The following CMC2 variants were observed in gnomAD, a reference collection of about 807,000 sequenced individuals.
The protein encoded by CMC2 is C-X9-C motif containing 2.
A neutral mutation model predicts 7.5 loss-of-function variants in CMC2; 5 were observed. The ratio of observed to expected loss-of-function variants is 0.66; its 90% confidence interval spans 0.35 to 1.40. The LOEUF (loss-of-function observed/expected upper bound fraction) is 1.40. Among genes scored for constraint, CMC2 ranks in the 40% most tolerant of loss-of-function variants. The pLI is 0.04. For missense variants in CMC2, 115 were observed against 92.3 expected, an observed-to-expected ratio of 1.25 and a Z score of -1.01; for synonymous variants, 37 against 31.4, an observed-to-expected ratio of 1.18 and a Z score of -0.60.
At chr16:80,980,771 T>A (rs1355250024) in intron 3 of CMC2, 1 of 692,632 alleles carries the variant, frequency 1.4e-6, no homozygotes, top group African/African-American at 1.8e-5. Context: ...GGTACGCACC[T>A]GTCGTCCTAG....
chr16:80,973,475 A>C lies in CMC2; in HGVS notation c.*2618T>G, dbSNP rs1912073103. ...CCAATCCTCACAATAACTCTATGTG[A>C]CAGGTACTGTCACTGGGTTGAACTG... On this transcript the variant is annotated 3_prime_UTR_variant, in exon 4 of 4. Transcript: ENST00000219400. 6.6e-6 allele frequency: 1 copy of C among 152,210 alleles called. No homozygotes were observed. Among genetic ancestry groups the C allele is most frequent in the African/African-American group, 2.4e-5 (1 of 41,458 alleles). 9.4% of individuals were successfully genotyped at this position (152,210 alleles called of 1,614,324 possible). A position where few individuals can be genotyped will look rare whatever the true frequency, so the allele number is the denominator to read the frequency against.
intron 1 of CMC2, chr16:81,001,357 A>G (rs532249767): frequency 1.2e-4 from 18 of 152,370 alleles, no homozygotes; most frequent in African/African-American, 4.1e-4. Flanking sequence ...TTGAAATTAT[A>G]TATTTTTTAA....
chr16:80,990,261 C>G (rs1194756335), intron 2 of CMC2, among the ~76,000 whole-genome samples: 1 of 152,152 alleles, frequency 6.6e-6, no homozygotes, highest in East Asian at 1.9e-4. Context: ...ACCTCTGTCT[C>G]CCAGGTTCAA....
chr16:80,995,238 G>C (rs770504166), intron 2 of CMC2, among the ~76,000 whole-genome samples: 1 of 147,824 alleles, frequency 6.8e-6, no homozygotes, highest in Non-Finnish European at 1.5e-5. Context: ...TCCATTAATA[G>C]GTAAATAAAC....
At chr16:80,997,450 T>G in intron 1 of CMC2, 21 bp from the exon 2 acceptor site, 2 of 1,227,862 alleles carry the variant, frequency 1.6e-6, no homozygotes, top group South Asian at 2.4e-5. Flanking sequence ...AAGAGTGTCT[T>G]GAATATGCAT....
chr16:80,974,421 A>T lies in CMC2; in HGVS notation c.*1672T>A, dbSNP rs942676737. The T allele has an allele frequency of 3.9e-5, 6 of 152,218 alleles. No individual in the cohort carries two copies. Among genetic ancestry groups the T allele is most frequent in the African/African-American group, 1.4e-4 (6 of 41,458 alleles). The allele number at this position is 152,218 out of a possible 1,614,324, so 9.4% of individuals were successfully genotyped here. On this transcript the variant is annotated 3_prime_UTR_variant, in exon 4 of 4. Transcript: ENST00000219400. ...TCCTCTACCCAAATCCCTAATCACCATATTAAAACCTGCAACTGGTCATCA... is the reference window on the plus strand; with the variant it reads ...TCCTCTACCCAAATCCCTAATCACCTTATTAAAACCTGCAACTGGTCATCA...
intron 1 of CMC2, chr16:81,001,143 C>G (rs1968832900): frequency 6.6e-6 from 1 of 152,154 alleles, no homozygotes; most frequent in African/African-American, 2.4e-5. Context: ...GAGCTAAACA[C>G]TGGATACTCA....
chr16:80,998,395 T>G (rs903273506), intron 1 of CMC2: 1 of 152,002 alleles, frequency 6.6e-6, no homozygotes. Flanking sequence ...AAAGAGGATG[T>G]GGAGAAACTG....
intron 1 of CMC2, chr16:81,001,192 T>C (rs986691631): frequency 6.6e-6 from 1 of 152,288 alleles, no homozygotes; most frequent in African/African-American, 2.4e-5. Flanking sequence ...TGGGGACTAA[T>C]AGACGGTAGA....
rs12149082 is a variant in CMC2 at position 80,968,361 on chromosome 16, C to A, written c.*7732G>T. On this transcript the variant is annotated 3_prime_UTR_variant, in exon 4 of 4. Coordinates refer to ENST00000219400, the MANE Select transcript of CMC2 (RefSeq NM_020188.5). ...ACTGGGATTACAGGCGCAAGCCACC[C>A]CACACGGCTGAGATTCTGCGTTGCT... The A allele has an allele frequency of 0.16, 24,337 of 152,204 alleles. 2,473 individuals carry two copies. The highest frequency in any genetic ancestry group is 0.3 in the African/African-American group (12,338 of 41,480). 9.4% of individuals were successfully genotyped at this position (152,204 alleles called of 1,614,324 possible).
intron 3 of CMC2, among the ~76,000 whole-genome samples, chr16:80,981,036 T>C (rs1378678007): frequency 6.6e-6 from 1 of 151,746 alleles, no homozygotes; most frequent in Non-Finnish European, 1.5e-5. Context: ...AAGAAAGATG[T>C]TGGACAACTT....
At chr16:80,990,854 A>G (rs1967938192) in intron 2 of CMC2, among the ~76,000 whole-genome samples, 1 of 151,840 alleles carries the variant, frequency 6.6e-6, no homozygotes, top group Non-Finnish European at 1.5e-5. Flanking sequence ...CCTCCTGAGG[A>G]GCTGGGACTA....
chr16:80,989,396 AT>A (rs1489655432), intron 2 of CMC2, among the ~76,000 whole-genome samples: 1 of 152,164 alleles, frequency 6.6e-6, no homozygotes, highest in African/African-American at 2.4e-5. Flanking sequence ...AATTGATTAT[AT>A]TATTTTCATT....
At position 80,970,840 on chromosome 16, in the gene CMC2, T is replaced by A. The variant is rs1423863016; in HGVS notation, c.*5253A>T. ...CTATAATCCCTGCTTTATAAAAAAA[T>A]TTTAAGAGATATTAGAATAAGTAAT... On this transcript the variant is annotated 3_prime_UTR_variant, in exon 4 of 4. Coordinates refer to ENST00000219400, the MANE Select transcript of CMC2 (RefSeq NM_020188.5). 1.3e-5 allele frequency: 2 copies of A among 152,110 alleles called. No homozygotes were observed. The highest frequency in any genetic ancestry group is 1.5e-5 in the Non-Finnish European group (1 of 68,016). 9.4% of individuals were successfully genotyped at this position (152,110 alleles called of 1,614,324 possible).
At chr16:80,980,843 C>A in intron 3 of CMC2, 1 of 700,182 alleles carries the variant, frequency 1.4e-6, no homozygotes, top group South Asian at 1.5e-5. Flanking sequence ...GTTACGATCA[C>A]CCTACTGCAC....
At chr16:81,006,662 G>C (rs1969376496) in intron 1 of CMC2, 72 bp downstream of exon 1, 2 of 970,506 alleles carry the variant, frequency 2.1e-6, no homozygotes, top group Non-Finnish European at 1.2e-6. Context: ...GGGGCTCGGC[G>C]GGACGCGCCA....
rs1181004897 is a variant in CMC2 at position 80,974,842 on chromosome 16, C to A, written c.*1251G>T. ...AGGTACTTCAGAATTAATTCTGGTT[C>A]TTTCCCCATCCTTTCACTGAATGTC... On this transcript the variant is annotated 3_prime_UTR_variant, in exon 4 of 4. Coordinates refer to ENST00000219400, the MANE Select transcript of CMC2 (RefSeq NM_020188.5). 2 of 152,218 alleles carry A rather than the reference C, an allele frequency of 1.3e-5. No individual in the cohort carries two copies. Among genetic ancestry groups the A allele is most frequent in the Non-Finnish European group, 2.9e-5 (2 of 68,028 alleles). The allele number at this position is 152,218 out of a possible 1,614,324, so 9.4% of individuals were successfully genotyped here.
intron 1 of CMC2, 61 bp from the exon 2 acceptor site, chr16:80,997,490 T>C (rs1968522341): frequency 1.1e-6 from 1 of 869,620 alleles, no homozygotes; most frequent in African/African-American, 1.7e-5. Context: ...CCTAAAAGTA[T>C]CTTCATAAGA....
intron 1 of CMC2, among the ~76,000 whole-genome samples, chr16:80,999,445 C>T (rs1043738202): frequency 2.0e-5 from 3 of 152,162 alleles, no homozygotes; most frequent in Non-Finnish European, 1.5e-5. Flanking sequence ...ACATTCCGTG[C>T]TCATGGATTG....
Sources: allele counts gnomAD v4.1 joint callset (sites outside exome capture counted in the v4.1 genomes callset), GRCh38; gene constraint gnomAD v4.1.1; transcripts MANE v1.5; gene names NCBI Gene and HGNC (gene_info 2026-07-23, HGNC 2026-07-21).